Variants in EPS8 observed in about 807,000 individuals in gnomAD.
EPS8 encodes EGFR pathway substrate 8, signaling adaptor.
Under a neutral mutation model 103.8 loss-of-function variants are expected in EPS8, and 42 were observed. The observed-to-expected ratio is 0.40, with a 90% CI of 0.32 to 0.52. The LOEUF (loss-of-function observed/expected upper bound fraction) is 0.52, where lower values mean the gene tolerates loss of function less well. Ranked by LOEUF, EPS8 falls within the 20% of genes least tolerant of loss-of-function variation. The probability of loss-of-function intolerance (pLI) is 0.40; values close to 1 mark genes in which losing one functional copy is unlikely to be tolerated. For missense variants in EPS8, 969 were observed against 1,005.1 expected (o/e 0.96, Z 0.49); for synonymous variants, 344 against 344.6 (o/e 1.00, Z 0.02).
rs571678545 is a variant in EPS8 at position 15,709,386 on chromosome 12, A to C, written c.-21-26414T>G. ...TCAGTAAACCTTAAGGATGAGGTAA[A>C]TTTTGAATATGAGGGAGAGACTTTC... On this transcript the variant is annotated intron_variant, in intron 1 of 20. Transcript: ENST00000281172. Among the ~76,000 whole-genome samples the C allele has an allele frequency of 3.3e-5, 5 of 152,322 alleles. No homozygotes were observed. The East Asian group carries it at 9.6e-4, about 29-fold the overall frequency.
Position 15,767,360 on chromosome 12 carries a change from A to G in EPS8, c.-22+21801T>C, listed in dbSNP as rs1332929101. Among the ~76,000 whole-genome samples, 1 of 152,226 alleles carries G rather than the reference A, an allele frequency of 6.6e-6. No homozygotes were observed. The highest frequency in any genetic ancestry group is 1.5e-5 in the Non-Finnish European group (1 of 68,032). ...AACTACTGTTCACCAGTGGAATTTT[A>G]TGCAGAAAAATGTTTCTGCTATGAA... On this transcript the variant is annotated intron_variant, in intron 1 of 20. Transcript: ENST00000281172. This position sits in a 1 kb window ranked among gnomAD's most constrained non-coding sequence, Gnocchi z 5.5.
rs1377217266 is a variant in EPS8, at chr12:15,747,542, C to T, written c.-22+41619G>A. On this transcript the variant is annotated intron_variant, in intron 1 of 20. Transcript: ENST00000281172. The surrounding 1 kb of genome is among the most constrained non-coding windows in gnomAD (Gnocchi z 4.4). ...CCCCCAGTTACCATCTACAACACTG[C>T]ATTAGTAAGAAAGTGGCAAATGATC... is the stretch of plus-strand genomic sequence containing the variant. 5.3e-5 allele frequency among the ~76,000 whole-genome samples: 8 copies of T among 152,140 alleles called. No homozygotes were observed. The highest frequency in any genetic ancestry group is 4.4e-5 in the Non-Finnish European group (3 of 68,040).
chr12:15,725,640 A>G lies in EPS8; in HGVS notation c.-21-42668T>C, dbSNP rs1946644830. 6.6e-6 allele frequency among the ~76,000 whole-genome samples: 1 copy of G among 152,182 alleles called. No homozygotes were observed. Among genetic ancestry groups the G allele is most frequent in the Non-Finnish European group, 1.5e-5 (1 of 68,030 alleles). Reference sequence around the variant, plus strand: ...CATATGGTGATTCACTCACCACCACAGTATCAACCTTGGACATTAGACCTG... The same window carrying G: ...CATATGGTGATTCACTCACCACCACGGTATCAACCTTGGACATTAGACCTG... On this transcript the variant is annotated intron_variant, in intron 1 of 20. Coordinates refer to ENST00000281172, the MANE Select transcript of EPS8 (RefSeq NM_004447.6). This position sits in a 1 kb window ranked among gnomAD's most constrained non-coding sequence, Gnocchi z 4.5.
At chr12:15,715,394 C>CTTTTTTTTTTTTTTTTTTTTTTTTTTTTT in intron 1 of EPS8, among the ~76,000 whole-genome samples, 1 of 127,186 alleles carries the variant, frequency 7.9e-6, no homozygotes, top group Non-Finnish European at 1.6e-5. Flanking sequence ...CTTTACTTTT[C>CTTTTTTTTTTTTTTTTTTTTTTTTTTTTT]TTTTTTTTTT....
At chr12:15,658,254 T>C (rs1945543142) in intron 11 of EPS8, 101 bp from the exon 12 acceptor site, 1 of 761,270 alleles carries the variant, frequency 1.3e-6, no homozygotes, top group Admixed American at 2.4e-5. Context: ...ACCACCAGAT[T>C]CAGTTTTAAT....
rs957186372 is a variant in EPS8 at position 15,772,698 on chromosome 12, T to C, written c.-22+16463A>G. Among the ~76,000 whole-genome samples, 3 of 152,140 alleles carry C rather than the reference T, an allele frequency of 2.0e-5. No homozygotes were observed. The highest frequency in any genetic ancestry group is 2.1e-4 in the South Asian group (1 of 4,830). On this transcript the variant is annotated intron_variant, in intron 1 of 20. Coordinates refer to ENST00000281172, the MANE Select transcript of EPS8 (RefSeq NM_004447.6). The surrounding 1 kb of genome is among the most constrained non-coding windows in gnomAD (Gnocchi z 5.0). Reference sequence around the variant, plus strand: ...TTCTGAATCAACATCTAAGTGTAGATGGGTAACAAAGCAGAGGTAGATGTT... The same window carrying C: ...TTCTGAATCAACATCTAAGTGTAGACGGGTAACAAAGCAGAGGTAGATGTT...
At chr12:15,659,934 A>G (rs1277249717) in intron 10 of EPS8, among the ~76,000 whole-genome samples, 2 of 152,206 alleles carry the variant, frequency 1.3e-5, no homozygotes, top group Non-Finnish European at 2.9e-5. Context: ...CAACCCTTTT[A>G]TTTAACAAAT....
chr12:15,631,735 T>C, intron 17 of EPS8, 71 bp from the exon 18 acceptor site: 3 of 1,196,910 alleles, frequency 2.5e-6, no homozygotes, highest in Non-Finnish European at 3.5e-6. Flanking sequence ...AAATTATACT[T>C]TGATAGGACA....
intron 12 of EPS8, among the ~76,000 whole-genome samples, chr12:15,657,023 A>G (rs952470619): frequency 6.6e-6 from 1 of 152,098 alleles, no homozygotes; most frequent in African/African-American, 2.4e-5. Flanking sequence ...ATTTCTAAAC[A>G]TTATAGCCAG....
chr12:15,712,007 T>C (rs1451988691), intron 1 of EPS8, among the ~76,000 whole-genome samples: 2 of 152,162 alleles, frequency 1.3e-5, no homozygotes, highest in African/African-American at 4.8e-5. Context: ...ACTTAATTAT[T>C]AGTGACAGAA....
At chr12:15,750,182 C>T (rs943001962) in intron 1 of EPS8, among the ~76,000 whole-genome samples, 2 of 152,164 alleles carry the variant, frequency 1.3e-5, no homozygotes, top group African/African-American at 4.8e-5. Flanking sequence ...GCCCTAATTC[C>T]AACTCCAGTT....
chr12:15,722,992 A>C (rs1005710686), intron 1 of EPS8, among the ~76,000 whole-genome samples: 82 of 151,170 alleles, frequency 5.4e-4, no homozygotes, highest in African/African-American at 1.7e-3. Context: ...AAAACACTGG[A>C]TATCACTTGT....
At position 15,620,928 on chromosome 12, in the gene EPS8, T is replaced by C; in HGVS notation, c.*389A>G. On this transcript the variant is annotated 3_prime_UTR_variant, in exon 21 of 21. Transcript: ENST00000281172. ...TATGCCCTGAATGACAGACACCATA[T>C]TCACAGGCAAAATCGAAACTGCTTA... is the stretch of plus-strand genomic sequence containing the variant. The C allele has an allele frequency of 6.0e-6, 1 of 166,138 alleles. No individual in the cohort carries two copies. The highest frequency in any genetic ancestry group is 1.8e-4 in the East Asian group (1 of 5,426). The allele number at this position is 166,138 out of a possible 1,614,324, so 10.3% of individuals were successfully genotyped here. A position where few individuals can be genotyped will look rare whatever the true frequency, so the allele number is the denominator to read the frequency against.
intron 3 of EPS8, among the ~76,000 whole-genome samples, chr12:15,676,219 C>T (rs1429536173): frequency 2.1e-5 from 3 of 143,426 alleles, no homozygotes; most frequent in African/African-American, 7.8e-5. Flanking sequence ...GAGATTGCGC[C>T]ACTGCACTCC....
chr12:15,708,063 A>G (rs187736514), intron 1 of EPS8, among the ~76,000 whole-genome samples: 1 of 152,304 alleles, frequency 6.6e-6, no homozygotes, highest in East Asian at 1.9e-4. Flanking sequence ...TATCATAGGG[A>G]TCGAAACAGC....
At chr12:15,683,459 T>C (rs1399625066) in intron 1 of EPS8, 2 of 152,298 alleles carry the variant, frequency 1.3e-5, no homozygotes, top group East Asian at 3.8e-4. Flanking sequence ...TCTTTTTGCC[T>C]ACAAGTGGTT....
intron 17 of EPS8, among the ~76,000 whole-genome samples, chr12:15,637,153 TGG>T (rs1945149968): frequency 6.6e-6 from 1 of 152,234 alleles, no homozygotes; most frequent in African/African-American, 2.4e-5. Flanking sequence ...CCTGAGTAGC[TGG>T]GATTACAGGT....
At chr12:15,654,775 G>C (rs1251666336) in intron 12 of EPS8, among the ~76,000 whole-genome samples, 1 of 152,078 alleles carries the variant, frequency 6.6e-6, no homozygotes, top group Non-Finnish European at 1.5e-5. Context: ...AAAAATAAAA[G>C]GATCCAGGAA....
intron 1 of EPS8, among the ~76,000 whole-genome samples, chr12:15,744,154 T>C (rs1200832184): frequency 6.6e-6 from 1 of 152,026 alleles, no homozygotes; most frequent in Non-Finnish European, 1.5e-5. Context: ...AACAGACACA[T>C]GAAAAAATGC....
Sources: allele counts gnomAD v4.1 joint callset (sites outside exome capture counted in the v4.1 genomes callset), GRCh38; gene constraint gnomAD v4.1.1; non-coding constraint Gnocchi (gnomAD v3.1); transcripts MANE v1.5; gene names NCBI Gene and HGNC (gene_info 2026-07-23, HGNC 2026-07-21).